TCF4: variants seen among roughly 807,000 people sequenced by gnomAD.
TCF4 encodes transcription factor 4.
Under a neutral mutation model 82.1 loss-of-function variants are expected in TCF4, and 3 were observed. The ratio of observed to expected loss-of-function variants is 0.04; its 90% CI spans 0.02 to 0.09. TCF4 has a LOEUF of 0.09. Among genes scored for constraint, TCF4 ranks in the 10% least tolerant of loss-of-function variants. The probability of loss-of-function intolerance (pLI) is 1.00; values close to 1 mark genes in which losing one functional copy is unlikely to be tolerated. For synonymous variants in TCF4, 276 were observed against 309.6 expected, an observed-to-expected ratio of 0.89 and a Z score of 1.14; for missense variants, 518 against 852.7, an observed-to-expected ratio of 0.61 and a Z score of 4.89.
At chr18:55,379,371 C>A (rs1336842171) in intron 6 of TCF4, among the ~76,000 whole-genome samples, 1 of 152,178 alleles carries the variant, frequency 6.6e-6, no homozygotes, top group East Asian at 1.9e-4. Flanking sequence ...AAGAAATAGT[C>A]CACTGAAGCC....
intron 6 of TCF4, among the ~76,000 whole-genome samples, chr18:55,384,711 A>G (rs1238134320): frequency 6.6e-6 from 1 of 151,998 alleles, no homozygotes; most frequent in African/African-American, 2.4e-5. Context: ...CCCATCCTCC[A>G]TCTTGTCTTT....
At chr18:55,572,621 G>A (rs1410730416) in intron 3 of TCF4, among the ~76,000 whole-genome samples, 2 of 152,162 alleles carry the variant, frequency 1.3e-5, no homozygotes, top group African/African-American at 4.8e-5. Context: ...CTCTCCTAAA[G>A]TCCACCAACA....
intron 6 of TCF4, among the ~76,000 whole-genome samples, chr18:55,365,710 G>A (rs1179168698): frequency 6.6e-6 from 1 of 151,990 alleles, no homozygotes; most frequent in East Asian, 1.9e-4. Context: ...GACCAGCCTG[G>A]CCAACATAGT....
chr18:55,368,289 G>C (rs1275105178), intron 6 of TCF4, among the ~76,000 whole-genome samples: 1 of 152,306 alleles, frequency 6.6e-6, no homozygotes, highest in Admixed American at 6.5e-5. Flanking sequence ...GCTGAGACAG[G>C]AGAATCACTT....
At chr18:55,470,968 C>T (rs2096164209) in intron 3 of TCF4, among the ~76,000 whole-genome samples, 1 of 152,170 alleles carries the variant, frequency 6.6e-6, no homozygotes, top group Non-Finnish European at 1.5e-5. Context: ...TGGAGACTCA[C>T]AGACTGCGTA....
At chr18:55,348,326 T>C (rs2081619655) in intron 8 of TCF4, among the ~76,000 whole-genome samples, 1 of 152,130 alleles carries the variant, frequency 6.6e-6, no homozygotes, top group Non-Finnish European at 1.5e-5. Flanking sequence ...TTGAATTGTA[T>C]TTTCTTCCTC....
chr18:55,611,776 A>T (rs1039513671), intron 2 of TCF4, among the ~76,000 whole-genome samples: 1 of 152,138 alleles, frequency 6.6e-6, no homozygotes, highest in African/African-American at 2.4e-5. Flanking sequence ...TTATTTATTT[A>T]TTTATTTTTT....
chr18:55,350,925 G>C lies in TCF4; in HGVS notation c.448C>G (p.Gln150Glu). 1 of 1,613,638 alleles carries C rather than the reference G, an allele frequency of 6.2e-7. No homozygotes were observed. Among genetic ancestry groups the C allele is most frequent in the Non-Finnish European group, 8.5e-7 (1 of 1,179,624 alleles). ...SPTKPGSQYY[Q>E]YSSNNPRRRP... ...CTTCGGGGATTATTGCTAGAATACTGATAGTACTGGGAACCAGGTTTGGTG... is the reference window on the plus strand; with the variant it reads ...CTTCGGGGATTATTGCTAGAATACTCATAGTACTGGGAACCAGGTTTGGTG... The change falls in exon 7 of 20, where the codon CAG becomes GAG. Residue 150 changes from glutamine (Q) to glutamate (E), a missense_variant. Physicochemically the swap from Gln to Glu is conservative, Grantham distance 29. Transcript: ENST00000354452.
chr18:55,524,016 C>T (rs567860869), intron 3 of TCF4, among the ~76,000 whole-genome samples: 12 of 151,840 alleles, frequency 7.9e-5, no homozygotes, highest in Non-Finnish European at 1.2e-4. Context: ...AAGGTATTGC[C>T]GAAATCAATC....
At chr18:55,314,317 A>G (rs1225127182) in intron 8 of TCF4, among the ~76,000 whole-genome samples, 1 of 152,088 alleles carries the variant, frequency 6.6e-6, no homozygotes, top group East Asian at 1.9e-4. Context: ...TGGCCAATCA[A>G]CTTTTTCCTC....
intron 8 of TCF4, among the ~76,000 whole-genome samples, chr18:55,287,925 G>A (rs1422261456): frequency 6.6e-6 from 1 of 151,298 alleles, no homozygotes; most frequent in African/African-American, 2.5e-5. Context: ...CCTTTGACAT[G>A]TATAGAAATT....
chr18:55,248,968 C>A (rs1568436158), intron 15 of TCF4, among the ~76,000 whole-genome samples: 1 of 152,194 alleles, frequency 6.6e-6, no homozygotes, highest in African/African-American at 2.4e-5. Context: ...TGGCCTCGAA[C>A]TCCTGACCTC....
intron 8 of TCF4, among the ~76,000 whole-genome samples, chr18:55,305,889 G>A (rs1187594959): frequency 6.6e-6 from 1 of 152,156 alleles, no homozygotes; most frequent in Admixed American, 6.5e-5. Context: ...AGTAAATGAA[G>A]TAGTGTGTCA....
intron 3 of TCF4, among the ~76,000 whole-genome samples, chr18:55,513,371 T>G (rs1351911353): frequency 4.0e-4 from 1 of 2,486 alleles, no homozygotes; most frequent in Non-Finnish European, 1.5e-3. Context: ...GCCCTCAGCT[T>G]TTTTTTTTTT....
chr18:55,289,216 C>T (rs528305977), intron 8 of TCF4, among the ~76,000 whole-genome samples: 27 of 152,184 alleles, frequency 1.8e-4, no homozygotes, highest in Non-Finnish European at 4.0e-4. Context: ...CCTGGTTACA[C>T]TCCTTATGTT....
intron 6 of TCF4, among the ~76,000 whole-genome samples, chr18:55,402,544 A>G (rs2093885166): frequency 1.3e-5 from 2 of 152,150 alleles, no homozygotes; most frequent in Non-Finnish European, 1.5e-5. Flanking sequence ...AACAGTAGAG[A>G]GCTCTGAATA....
chr18:55,494,157 G>GACACAC lies in TCF4; in HGVS notation c.146-30026_146-30021dup, dbSNP rs3138626. Among the ~76,000 whole-genome samples the GACACAC allele has an allele frequency of 6.4e-3, 952 of 147,730 alleles. 17 individuals carry two copies. Among genetic ancestry groups the GACACAC allele is most frequent in the African/African-American group, 0.02 (799 of 40,264 alleles). Reference sequence around the variant, plus strand: ...ACAGCAATGTGATTGAAATATTATGGACACACACACACACACACACACACA... The same window carrying GACACAC: ...ACAGCAATGTGATTGAAATATTATGGACACACACACACACACACACACACACACACA... On this transcript the variant is annotated intron_variant, in intron 3 of 19. Transcript: ENST00000354452.
chr18:55,451,067 G>T (rs1403247843), intron 5 of TCF4, among the ~76,000 whole-genome samples: 1 of 152,152 alleles, frequency 6.6e-6, no homozygotes, highest in Non-Finnish European at 1.5e-5. Context: ...GGCTAAAAAA[G>T]AAGCCTTTTC....
intron 8 of TCF4, chr18:55,322,316 T>C (rs1193711601): frequency 2.9e-6 from 3 of 1,030,238 alleles, no homozygotes; most frequent in Non-Finnish European, 3.5e-6. Flanking sequence ...AATCGTATGA[T>C]GCACATCTAA....
Sources: gnomAD v4.1 joint callset for allele counts (sites outside exome capture counted in the v4.1 genomes callset) on GRCh38, gnomAD v4.1.1 for gene constraint, MANE v1.5 for transcripts, NCBI Gene and HGNC (gene_info 2026-07-23, HGNC 2026-07-21) for gene names.